Variants in CEP290 observed in about 807,000 individuals in gnomAD.
CEP290 encodes the protein centrosomal protein of 290 kDa.
In CEP290, 317 loss-of-function variants were observed where a neutral mutation model predicts 344.9. The observed-to-expected ratio is 0.92, with a 90% CI of 0.84 to 1.01. The LOEUF (loss-of-function observed/expected upper bound fraction) is 1.01. Among genes scored for constraint, CEP290 ranks in the 50% least tolerant of loss-of-function variants. The pLI, the probability that CEP290 is intolerant of heterozygous loss-of-function variation, is 0.00. For synonymous variants in CEP290, 932 were observed against 895.8 expected, an observed-to-expected ratio of 1.04 and a Z score of -0.72; for missense variants, 2,754 against 2,761.4, an observed-to-expected ratio of 1.00 and a Z score of 0.06.
intron 32 of CEP290, among the ~76,000 whole-genome samples, chr12:88,087,283 C>T (rs2036654416): frequency 1.3e-5 from 2 of 152,022 alleles, no homozygotes; most frequent in South Asian, 4.2e-4. Flanking sequence ...TTATGTATTG[C>T]CGTTTTTAAG....
intron 44 of CEP290, among the ~76,000 whole-genome samples, chr12:88,066,262 A>G (rs1375509013): frequency 6.6e-6 from 1 of 152,180 alleles, no homozygotes; most frequent in Non-Finnish European, 1.5e-5. Context: ...AAAAGTCCAT[A>G]AACTGTAGAG....
intron 22 of CEP290, among the ~76,000 whole-genome samples, chr12:88,110,307 T>A (rs2038590584): frequency 1.3e-5 from 2 of 152,124 alleles, no homozygotes; most frequent in Non-Finnish European, 2.9e-5. Context: ...ACAGCAAAAC[T>A]GAGAAACCCA....
intron 38 of CEP290, 135 bp downstream of exon 38, chr12:88,080,047 C>A: frequency 1.6e-6 from 1 of 636,842 alleles, no homozygotes; most frequent in Non-Finnish European, 2.7e-6. Flanking sequence ...TGTTTAACAG[C>A]ATAAGATAAA....
At chr12:88,051,767 T>TA (rs2033561727) in intron 52 of CEP290, 1 of 152,142 alleles carries the variant, frequency 6.6e-6, no homozygotes, top group Admixed American at 6.6e-5. Flanking sequence ...TTGGGCCTGG[T>TA]TAGTATATGG....
Position 88,060,980 on chromosome 12 carries a change from TC to T in CEP290, c.6371del (p.Gly2124GlufsTer13). ...TTTTTTCCAGTTCTGGGATTGTCTT[TC>T]CACTTCTACCAGACTACGAAAGAAT... ...LGHVRGSGRS[G>X]KTIPELEKTI... On this transcript the variant is annotated frameshift_variant, in exon 47 of 54. Transcript: ENST00000552810. LOFTEE classifies it high-confidence loss of function. 6.4e-7 allele frequency: 1 copy of T among 1,557,886 alleles called. No individual in the cohort carries two copies. The highest frequency in any genetic ancestry group is 8.7e-7 in the Non-Finnish European group (1 of 1,151,074).
intron 43 of CEP290, among the ~76,000 whole-genome samples, chr12:88,069,089 A>G (rs1379919818): frequency 6.6e-6 from 1 of 152,124 alleles, no homozygotes; most frequent in Non-Finnish European, 1.5e-5. Context: ...CAAGTCTAAA[A>G]ACATCCACTT....
rs1301341386 is a variant in CEP290, at chr12:88,120,144, C to G, written c.1492G>C (p.Asp498His). 3 of 1,546,872 alleles carry G rather than the reference C, an allele frequency of 1.9e-6. No homozygotes were observed. Among genetic ancestry groups the G allele is most frequent in the Admixed American group, 3.9e-5 (2 of 51,716 alleles). The change falls in exon 15 of 54, where the codon GAT becomes CAT. Residue 498 changes from aspartate to histidine, a missense_variant. By Grantham distance (81) the Asp-to-His change is moderately conservative. Transcript: ENST00000552810. ...CGCTCTCTAAGTGCCTCATTTTCATCAAGGAAATCACTGATCTTCAATTCA... is the reference window on the plus strand; with the variant it reads ...CGCTCTCTAAGTGCCTCATTTTCATGAAGGAAATCACTGATCTTCAATTCA... The part of the protein sequence containing the change: ...KLELKISDFL[D>H]ENEALRERVG...
intron 50 of CEP290, among the ~76,000 whole-genome samples, chr12:88,054,832 C>G (rs1445625714): frequency 6.6e-6 from 1 of 152,050 alleles, no homozygotes; most frequent in African/African-American, 2.4e-5. Flanking sequence ...TAAGGAGCCT[C>G]TATTTCAGCA....
intron 6 of CEP290, chr12:88,135,995 CA>C (rs2040334543): frequency 6.6e-6 from 1 of 151,896 alleles, no homozygotes. Flanking sequence ...AGTTGATCTG[CA>C]AAAAACTTTT....
intron 23 of CEP290, among the ~76,000 whole-genome samples, chr12:88,108,334 T>C (rs1272079821): frequency 6.6e-6 from 1 of 152,130 alleles, no homozygotes; most frequent in African/African-American, 2.4e-5. Flanking sequence ...TATTTAAAAA[T>C]AAAAGCTATG....
intron 44 of CEP290, among the ~76,000 whole-genome samples, chr12:88,064,645 C>G (rs1472665328): frequency 6.6e-6 from 1 of 152,004 alleles, no homozygotes; most frequent in Non-Finnish European, 1.5e-5. Flanking sequence ...GGGATTTAGA[C>G]ACAGAGACAT....
At chr12:88,067,403 A>G (rs1443214258) in intron 44 of CEP290, among the ~76,000 whole-genome samples, 1 of 152,198 alleles carries the variant, frequency 6.6e-6, no homozygotes, top group Non-Finnish European at 1.5e-5. Flanking sequence ...ACAAAGAAAT[A>G]AAGGACGGCC....
At position 88,089,455 on chromosome 12, in the gene CEP290, C is replaced by G; in HGVS notation, c.3606G>C (p.Lys1202Asn). Residue 1202 changes from lysine (K) to asparagine (N), a missense_variant, in exon 31 of 54, where the codon AAG becomes AAC. Lys to Asn is a moderately conservative substitution (Grantham distance 94). Coordinates refer to ENST00000552810, the MANE Select transcript of CEP290 (RefSeq NM_025114.4). ...AQSDEKSLIA[K>N]LHQHNVSLQL... ...GAAGAGAGACATTATGTTGGTGCAA[C>G]TTGGCAATGAGCGACTTTTCATCAG... is the stretch of plus-strand genomic sequence containing the variant. The G allele has an allele frequency of 1.3e-6, 2 of 1,570,996 alleles. No homozygotes were observed. The highest frequency in any genetic ancestry group is 1.7e-6 in the Non-Finnish European group (2 of 1,155,900).
At chr12:88,136,840 A>G (rs2040379577) in intron 5 of CEP290, 54 bp from the exon 6 acceptor site, 2 of 1,491,816 alleles carry the variant, frequency 1.3e-6, no homozygotes, top group African/African-American at 2.8e-5. Context: ...TTGAGGTTCA[A>G]ATGAGTCAAC....
chr12:88,071,286 T>C lies in CEP290; in HGVS notation c.6011+8A>G, dbSNP rs1565811656. The C allele has an allele frequency of 2.5e-6, 4 of 1,594,660 alleles. No individual in the cohort carries two copies. In the African/African-American group the frequency reaches 4.0e-5, roughly 16 times the overall value. ...CAATGGGTGGCACATTTCCACATAA[T>C]AGCTTACCTCATATACAATATATCA... On this transcript the variant is annotated splice_region_variant and intron_variant, in intron 43 of 53. Coordinates refer to ENST00000552810, the MANE Select transcript of CEP290 (RefSeq NM_025114.4).
At position 88,053,558 on chromosome 12, in the gene CEP290, C is replaced by T. The variant is rs914745783; in HGVS notation, c.7129+94G>A. 1.6e-5 allele frequency: 10 copies of T among 615,806 alleles called. No homozygotes were observed. In the African/African-American group the frequency reaches 2.1e-4, roughly 13 times the overall value. The allele number at this position is 615,806 out of a possible 1,614,324, so 38.1% of individuals were successfully genotyped here. ...TCAGGAATTCGATTTTACAGGGAGA[C>T]AATGATCAGAAATCTGAGCCAAAAA... On this transcript the variant is annotated intron_variant, in intron 52 of 53. Transcript: ENST00000552810.
intron 52 of CEP290, among the ~76,000 whole-genome samples, chr12:88,051,477 G>C (rs535874615): frequency 2.9e-4 from 44 of 152,148 alleles, no homozygotes; most frequent in Non-Finnish European, 5.6e-4. Flanking sequence ...GGGATTACAG[G>C]TGTGGTGTGC....
chr12:88,061,220 A>C (rs1392885000), intron 46 of CEP290, among the ~76,000 whole-genome samples: 2 of 152,202 alleles, frequency 1.3e-5, no homozygotes, highest in Non-Finnish European at 2.9e-5. Flanking sequence ...AAAATCATGC[A>C]GCTAATAAGT....
Position 88,060,864 on chromosome 12 carries a change from A to AT in CEP290, c.6487dup (p.Met2163AsnfsTer3), listed in dbSNP as rs2136748724. The AT allele has an allele frequency of 3.9e-6, 6 of 1,541,236 alleles. No homozygotes were observed. The highest frequency in any genetic ancestry group is 5.2e-6 in the Non-Finnish European group (6 of 1,144,446). ...TTCATTTTCCTGCTCAATATTAGCC[A>AT]TTTTTTCACTAGTCAATATTCCTGA... On this transcript the variant is annotated frameshift_variant, in exon 47 of 54. Transcript: ENST00000552810. LOFTEE classifies it high-confidence loss of function.
Sources: allele counts gnomAD v4.1 joint callset (sites outside exome capture counted in the v4.1 genomes callset), GRCh38; gene constraint gnomAD v4.1.1; transcripts MANE v1.5; gene names NCBI Gene and HGNC (gene_info 2026-07-23, HGNC 2026-07-21).